FAM227B: variants seen among roughly 807,000 people sequenced by gnomAD.
The protein encoded by FAM227B is protein FAM227B.
A neutral mutation model predicts 73.8 loss-of-function variants in FAM227B; 88 were observed. The ratio of observed to expected loss-of-function variants is 1.19; its 90% CI spans 1.00 to 1.42. The LOEUF is 1.42. Ranked by LOEUF, FAM227B falls within the 40% of genes most tolerant of loss-of-function variation. FAM227B has a pLI of 0.00. For synonymous variants in FAM227B, 210 were observed against 190.5 expected (o/e 1.10, Z -0.84); for missense variants, 632 against 590.9 (o/e 1.07, Z -0.72).
At chr15:49,445,284 C>A (rs1203187409) in intron 11 of FAM227B, among the ~76,000 whole-genome samples, 2 of 151,544 alleles carry the variant, frequency 1.3e-5, no homozygotes, top group Admixed American at 1.3e-4. Context: ...CTACCTCCTG[C>A]TAGTAGTTCC....
intron 9 of FAM227B, 63 bp from the exon 10 acceptor site, chr15:49,541,869 C>A (rs2071121354): frequency 2.6e-6 from 3 of 1,152,268 alleles, no homozygotes; most frequent in Non-Finnish European, 3.4e-6. Context: ...ATGTCAGCTG[C>A]CAAAGAAATT....
chr15:49,491,608 C>G (rs558041604), intron 11 of FAM227B, among the ~76,000 whole-genome samples: 1 of 151,834 alleles, frequency 6.6e-6, no homozygotes, highest in African/African-American at 2.4e-5. Flanking sequence ...GGACAAAGCT[C>G]AAGTTTAATG....
In FAM227B at chr15:49,371,414, A is replaced by C; in HGVS notation, c.1013-15T>G. On this transcript the variant is annotated splice_polypyrimidine_tract_variant and intron_variant, in intron 11 of 15. Coordinates refer to ENST00000299338, the MANE Select transcript of FAM227B (RefSeq NM_152647.3). Reference sequence around the variant, plus strand: ...GAAGTCGATACCTAAAACAGAAAATAAAATACTTTTTAAAATTCTGGTATT... The same window carrying C: ...GAAGTCGATACCTAAAACAGAAAATCAAATACTTTTTAAAATTCTGGTATT... 6.9e-7 allele frequency: 1 copy of C among 1,443,888 alleles called. No homozygotes were observed. Among genetic ancestry groups the C allele is most frequent in the South Asian group, 1.3e-5 (1 of 78,144 alleles). The allele number at this position is 1,443,888 out of a possible 1,614,324, so 89.4% of individuals were successfully genotyped here.
At chr15:49,360,818 T>A (rs1308990147) in intron 13 of FAM227B, among the ~76,000 whole-genome samples, 1 of 152,164 alleles carries the variant, frequency 6.6e-6, no homozygotes, top group Non-Finnish European at 1.5e-5. Context: ...ATCATCCTTA[T>A]AAATAAATAT....
At chr15:49,389,449 T>A (rs1240900206) in intron 11 of FAM227B, among the ~76,000 whole-genome samples, 2 of 151,856 alleles carry the variant, frequency 1.3e-5, no homozygotes, top group Non-Finnish European at 2.9e-5. Context: ...TGCAAAGGCA[T>A]ACAGAGTGAT....
chr15:49,435,698 G>A (rs897855224), intron 11 of FAM227B, among the ~76,000 whole-genome samples: 1 of 151,472 alleles, frequency 6.6e-6, no homozygotes, highest in African/African-American at 2.4e-5. Context: ...CCCCAAAGAA[G>A]ATGAGCATAA....
chr15:49,517,443 T>C (rs1274911994), intron 10 of FAM227B, among the ~76,000 whole-genome samples: 4 of 152,144 alleles, frequency 2.6e-5, no homozygotes, highest in African/African-American at 9.6e-5. Flanking sequence ...ACAAGTGCTT[T>C]TGCCAGTGCA....
intron 3 of FAM227B, among the ~76,000 whole-genome samples, chr15:49,610,431 A>AC (rs2077823415): frequency 1.3e-5 from 2 of 151,502 alleles, no homozygotes; most frequent in Admixed American, 1.3e-4. Context: ...AAAAAAAAAA[A>AC]AAAAAAAAAA....
At chr15:49,446,780 T>C (rs908784575) in intron 11 of FAM227B, among the ~76,000 whole-genome samples, 1 of 151,206 alleles carries the variant, frequency 6.6e-6, no homozygotes, top group African/African-American at 2.4e-5. Context: ...AAAGAGAAGA[T>C]AGCACAAAAC....
At position 49,331,759 on chromosome 15, in the gene FAM227B, AT is replaced by A; in HGVS notation, c.1419+20del. On this transcript the variant is annotated intron_variant, in intron 15 of 15. Coordinates refer to ENST00000299338, the MANE Select transcript of FAM227B (RefSeq NM_152647.3). ...GAAGCTAGAGAGAGAATTCTCAATT[AT>A]TTTCAGAAAGAAAACCTACCAGTTT... 1 of 1,459,078 alleles carries A rather than the reference AT, an allele frequency of 6.9e-7. No homozygotes were observed. The highest frequency in any genetic ancestry group is 9.6e-7 in the Non-Finnish European group (1 of 1,039,154). The allele number at this position is 1,459,078 out of a possible 1,614,324, so 90.4% of individuals were successfully genotyped here. A position where few individuals can be genotyped will look rare whatever the true frequency, so the allele number is the denominator to read the frequency against.
intron 9 of FAM227B, among the ~76,000 whole-genome samples, chr15:49,549,667 A>G (rs1009731878): frequency 6.6e-6 from 1 of 151,972 alleles, no homozygotes; most frequent in African/African-American, 2.4e-5. Flanking sequence ...GATCAACAGG[A>G]TAAGAATTTT....
intron 11 of FAM227B, among the ~76,000 whole-genome samples, chr15:49,494,259 AC>A (rs1440885528): frequency 2.3e-5 from 1 of 42,876 alleles, no homozygotes; most frequent in Non-Finnish European, 1.5e-4. Context: ...ACACACAAAC[AC>A]ACACACACAC....
intron 3 of FAM227B, among the ~76,000 whole-genome samples, chr15:49,607,280 G>C (rs1036447752): frequency 6.6e-6 from 1 of 152,142 alleles, no homozygotes; most frequent in Non-Finnish European, 1.5e-5. Flanking sequence ...ATATAAATAC[G>C]TTAAGTGCCC....
chr15:49,583,580 CT>C (rs2075956449), intron 5 of FAM227B, among the ~76,000 whole-genome samples: 1 of 151,088 alleles, frequency 6.6e-6, no homozygotes, highest in Non-Finnish European at 1.5e-5. Flanking sequence ...ACCAGCAGCC[CT>C]TGGGGCTCCT....
At chr15:49,425,718 C>T (rs1453511276) in intron 11 of FAM227B, among the ~76,000 whole-genome samples, 1 of 151,538 alleles carries the variant, frequency 6.6e-6, no homozygotes, top group Non-Finnish European at 1.5e-5. Flanking sequence ...ATTATGTTTC[C>T]AATATGAAAA....
At chr15:49,438,485 A>G (rs1427075044) in intron 11 of FAM227B, among the ~76,000 whole-genome samples, 1 of 151,772 alleles carries the variant, frequency 6.6e-6, no homozygotes, top group Non-Finnish European at 1.5e-5. Context: ...GGAGAAAAGT[A>G]GGCTAGAAAA....
intron 9 of FAM227B, among the ~76,000 whole-genome samples, chr15:49,542,223 T>C (rs1196786280): frequency 6.6e-6 from 1 of 152,220 alleles, no homozygotes; most frequent in Non-Finnish European, 1.5e-5. Context: ...AGATTATTTC[T>C]TTTTATAAAC....
chr15:49,389,293 T>C (rs1212159464), intron 11 of FAM227B, among the ~76,000 whole-genome samples: 1 of 151,948 alleles, frequency 6.6e-6, no homozygotes, highest in East Asian at 1.9e-4. Context: ...ATACACACCA[T>C]GGACTACTCA....
At chr15:49,377,221 G>C (rs2046226122) in intron 11 of FAM227B, among the ~76,000 whole-genome samples, 1 of 152,028 alleles carries the variant, frequency 6.6e-6, no homozygotes, top group South Asian at 2.1e-4. Context: ...TGGCTGAATA[G>C]TACTCCATTG....
Sources: allele counts gnomAD v4.1 joint callset (sites outside exome capture counted in the v4.1 genomes callset), GRCh38; gene constraint gnomAD v4.1.1; transcripts MANE v1.5; gene names NCBI Gene and HGNC (gene_info 2026-07-23, HGNC 2026-07-21).